Variants in IL16 observed in about 807,000 individuals in gnomAD.
The protein encoded by IL16 is interleukin 16, also known as pro-interleukin-16.
In IL16, 67 loss-of-function variants were observed where a neutral mutation model predicts 110.1. That is an observed-to-expected ratio of 0.61 (90% CI 0.50 to 0.75). The LOEUF is 0.75. IL16 is among the 30% of genes least tolerant of loss of function. The pLI is 0.00. For missense variants in IL16, 1,545 were observed against 1,655.0 expected (o/e 0.93, Z 1.15); for synonymous variants, 689 against 662.9 (o/e 1.04, Z -0.61).
At chr15:81,272,854 C>T (rs1898702818) in intron 5 of IL16, among the ~76,000 whole-genome samples, 1 of 152,206 alleles carries the variant, frequency 6.6e-6, no homozygotes, top group Non-Finnish European at 1.5e-5. Context: ...CCCGCGAAAG[C>T]TCCAGACACT....
At chr15:81,238,738 G>C (rs1162458431) in intron 2 of IL16, among the ~76,000 whole-genome samples, 1 of 150,092 alleles carries the variant, frequency 6.7e-6, no homozygotes, top group Non-Finnish European at 1.5e-5. Context: ...CTTTCCAAAG[G>C]TTCCAGACAT....
At chr15:81,218,166 T>C (rs1896495589) in intron 1 of IL16, among the ~76,000 whole-genome samples, 1 of 152,102 alleles carries the variant, frequency 6.6e-6, no homozygotes, top group African/African-American at 2.4e-5. Flanking sequence ...GATCTGCAAG[T>C]TTGCAAGTTA....
At chr15:81,260,016 G>A (rs1437729430) in intron 3 of IL16, 136 bp downstream of exon 3, 5 of 607,278 alleles carry the variant, frequency 8.2e-6, no homozygotes, top group Non-Finnish European at 1.2e-5. Context: ...TTCATAGTGT[G>A]TGCATGCTCT....
At chr15:81,291,918 T>G in intron 11 of IL16, 1 of 456,086 alleles carries the variant, frequency 2.2e-6, no homozygotes, top group Non-Finnish European at 4.4e-6. Flanking sequence ...CATCCTCATT[T>G]TACAGATGCA....
At chr15:81,304,433 C>A (rs1298807028) in intron 16 of IL16, among the ~76,000 whole-genome samples, 1 of 152,208 alleles carries the variant, frequency 6.6e-6, no homozygotes, top group East Asian at 1.9e-4. Context: ...ACCCTTGAGA[C>A]ACTGCAGACA....
At position 81,228,384 on chromosome 15, in the gene IL16, G is replaced by A. The variant is rs572365708; in HGVS notation, c.312+2673G>A. Among the ~76,000 whole-genome samples, 555 of 150,948 alleles carry A rather than the reference G, an allele frequency of 3.7e-3. 4 individuals are homozygous for A. The highest frequency in any genetic ancestry group is 0.013 in the African/African-American group (527 of 41,058). On this transcript the variant is annotated intron_variant, in intron 2 of 18. Coordinates refer to ENST00000683961, the MANE Select transcript of IL16 (RefSeq NM_172217.5). Reference sequence around the variant, plus strand: ...TGCCCAGGCTGGAGTACAGGGGTGCGATCTCAGCTCATTGCAACCTCTGCC... The same window carrying A: ...TGCCCAGGCTGGAGTACAGGGGTGCAATCTCAGCTCATTGCAACCTCTGCC...
In IL16 at chr15:81,311,990, C is replaced by G. The variant is rs1224644903; in HGVS notation, c.*3192C>G. The stretch of plus-strand genomic sequence containing the variant: ...CTCAAAAATAGGGAAGTAACAGTAA[C>G]GCAGGGGAAACGTTTTCTGTTTGGA... On this transcript the variant is annotated 3_prime_UTR_variant, in exon 19 of 19. Transcript: ENST00000683961. The G allele has an allele frequency of 6.6e-6, 1 of 152,180 alleles. No individual in the cohort carries two copies. The highest frequency in any genetic ancestry group is 2.4e-5 in the African/African-American group (1 of 41,432). 9.4% of individuals were successfully genotyped at this position (152,180 alleles called of 1,614,324 possible).
Position 81,312,666 on chromosome 15 carries a change from T to A in IL16, c.*3868T>A, listed in dbSNP as rs1284424453. The A allele has an allele frequency of 6.6e-6, 1 of 152,268 alleles. No homozygotes were observed. The highest frequency in any genetic ancestry group is 1.5e-5 in the Non-Finnish European group (1 of 68,054). The allele number at this position is 152,268 out of a possible 1,614,324, so 9.4% of individuals were successfully genotyped here. ...CATCAAATGGAAGACACATTGAAAG[T>A]GTTTTTCCTTAATGCTTATCCTGTT... On this transcript the variant is annotated 3_prime_UTR_variant, in exon 19 of 19. Coordinates refer to ENST00000683961, the MANE Select transcript of IL16 (RefSeq NM_172217.5).
intron 1 of IL16, among the ~76,000 whole-genome samples, chr15:81,224,953 G>A (rs746810226): frequency 2.2e-4 from 34 of 152,122 alleles, no homozygotes; most frequent in Non-Finnish European, 4.0e-4. Context: ...CAAAGTACTG[G>A]CCTCTAAGAT....
chr15:81,289,315 A>G lies in IL16; in HGVS notation c.1333-1138A>G, dbSNP rs1187905715. Among the ~76,000 whole-genome samples the G allele has an allele frequency of 1.3e-5, 2 of 152,028 alleles. 1 individual carries two copies. Among genetic ancestry groups the G allele is most frequent in the Non-Finnish European group, 2.9e-5 (2 of 68,004 alleles). On this transcript the variant is annotated intron_variant, in intron 10 of 18. Coordinates refer to ENST00000683961, the MANE Select transcript of IL16 (RefSeq NM_172217.5). ...TGCACAGGCTAATTTTTGTATTTTT[A>G]GTAGCGATGGGCTTTCACCATGTTG...
chr15:81,297,508 C>T (rs1445803541), intron 13 of IL16, among the ~76,000 whole-genome samples: 1 of 152,190 alleles, frequency 6.6e-6, no homozygotes, highest in Non-Finnish European at 1.5e-5. Flanking sequence ...GTCACCTCCT[C>T]CATGAGGTGG....
intron 8 of IL16, among the ~76,000 whole-genome samples, chr15:81,281,156 C>T (rs1201044808): frequency 6.6e-6 from 1 of 152,214 alleles, no homozygotes; most frequent in Non-Finnish European, 1.5e-5. Context: ...TGACTTTTAC[C>T]AAATTCTTCA....
chr15:81,254,981 T>C (rs1291646108), intron 2 of IL16, among the ~76,000 whole-genome samples: 1 of 152,208 alleles, frequency 6.6e-6, no homozygotes, highest in Non-Finnish European at 1.5e-5. Context: ...TTAGCTTTAC[T>C]AAAGAGGAAA....
chr15:81,248,726 T>A (rs1897658235), intron 2 of IL16, among the ~76,000 whole-genome samples: 1 of 143,444 alleles, frequency 7.0e-6, no homozygotes, highest in African/African-American at 2.6e-5. Flanking sequence ...TTTCTTTTTT[T>A]TTTTTTTTTT....
chr15:81,289,006 A>G (rs942235137), intron 10 of IL16, among the ~76,000 whole-genome samples: 1 of 152,136 alleles, frequency 6.6e-6, no homozygotes, highest in African/African-American at 2.4e-5. Flanking sequence ...CAGAAGTGGA[A>G]TTGCTGGGTC....
At chr15:81,227,472 G>C (rs1896827676) in intron 2 of IL16, among the ~76,000 whole-genome samples, 1 of 152,174 alleles carries the variant, frequency 6.6e-6, no homozygotes, top group South Asian at 2.1e-4. Context: ...CAGGCAGTGG[G>C]AACAGCATGT....
At chr15:81,204,135 G>A (rs1392987847) in intron 1 of IL16, among the ~76,000 whole-genome samples, 1 of 152,084 alleles carries the variant, frequency 6.6e-6, no homozygotes, top group Non-Finnish European at 1.5e-5. Context: ...TCTGTTATTG[G>A]TGTATAAGAA....
chr15:81,232,042 G>GTTTTTTTTTTTTTTTCTTTTTTTTTT (rs1897010807), intron 2 of IL16, among the ~76,000 whole-genome samples: 1 of 57,694 alleles, frequency 1.7e-5, no homozygotes, highest in Non-Finnish European at 3.3e-5. Flanking sequence ...ATTTGTTCTT[G>GTTTTTTTTTTTTTTTCTTTTTTTTTT]TTTTTTTTTT....
At chr15:81,273,234 G>A (rs1196390513) in intron 6 of IL16, 30 bp downstream of exon 6, 4 of 1,488,278 alleles carry the variant, frequency 2.7e-6, no homozygotes, top group Non-Finnish European at 3.7e-6. Context: ...TCAGACCATG[G>A]TGGAGGAATC....
Sources: allele counts gnomAD v4.1 joint callset (sites outside exome capture counted in the v4.1 genomes callset), GRCh38; gene constraint gnomAD v4.1.1; transcripts MANE v1.5; gene names NCBI Gene and HGNC (gene_info 2026-07-23, HGNC 2026-07-21).